The following PCDHA10 variants were observed in gnomAD, a reference collection of about 807,000 sequenced individuals.
The protein encoded by PCDHA10 is protocadherin alpha-10.
Under a neutral mutation model 61.2 loss-of-function variants are expected in PCDHA10, and 45 were observed. The observed-to-expected ratio is 0.74, with a 90% CI of 0.58 to 0.94. The LOEUF (loss-of-function observed/expected upper bound fraction) is 0.94. Ranked by LOEUF, PCDHA10 falls within the 40% of genes least tolerant of loss-of-function variation. The pLI is 0.00. For synonymous variants in PCDHA10, 602 were observed against 548.8 expected (o/e 1.10, Z -1.35); for missense variants, 1,278 against 1,236.2 (o/e 1.03, Z -0.51).
chr5:140,927,460 G>A, intron 1 of PCDHA10: 2 of 1,614,148 alleles, frequency 1.2e-6, no homozygotes, highest in South Asian at 1.1e-5. Context: ...GTTGGAGAAA[G>A]CACTGGATCG....
At chr5:140,865,274 A>G (rs1465243720) in intron 1 of PCDHA10, 5 of 152,220 alleles carry the variant, frequency 3.3e-5, no homozygotes, top group African/African-American at 1.2e-4. Flanking sequence ...AATTATATGT[A>G]AAATTACTTT....
At chr5:140,884,396 C>G in intron 1 of PCDHA10, 1 of 1,614,012 alleles carries the variant, frequency 6.2e-7, no homozygotes, top group Non-Finnish European at 8.5e-7. Flanking sequence ...GGTGTCCAGC[C>G]TGTTGGTGCT....
intron 1 of PCDHA10, among the ~76,000 whole-genome samples, chr5:140,909,996 T>C (rs549464312): frequency 1.3e-5 from 2 of 152,192 alleles, no homozygotes; most frequent in African/African-American, 4.8e-5. Context: ...ACAGCATAAA[T>C]TGTTGTCAGT....
intron 1 of PCDHA10, chr5:140,967,369 G>A (rs147557274): frequency 2.4e-5 from 38 of 1,607,564 alleles, no homozygotes; most frequent in Non-Finnish European, 2.9e-5. Context: ...AGCCCCTGCA[G>A]GAGAACAGTA....
At chr5:140,900,588 C>G (rs1025443524) in intron 1 of PCDHA10, among the ~76,000 whole-genome samples, 3 of 152,150 alleles carry the variant, frequency 2.0e-5, no homozygotes, top group African/African-American at 7.2e-5. Flanking sequence ...TTTTCTTTAC[C>G]CGTTCATCTG....
chr5:140,883,559 G>A (rs2059672435), intron 1 of PCDHA10: 5 of 1,614,074 alleles, frequency 3.1e-6, no homozygotes, highest in Non-Finnish European at 4.2e-6. Context: ...GCGGGACGGG[G>A]GCTCGCCTTC....
intron 1 of PCDHA10, among the ~76,000 whole-genome samples, chr5:140,908,488 A>G (rs2073999089): frequency 6.6e-6 from 1 of 152,206 alleles, no homozygotes; most frequent in Non-Finnish European, 1.5e-5. Flanking sequence ...TAGGCAGTTC[A>G]GGTTGCTTGG....
chr5:140,986,853 A>G (rs1424493333), intron 3 of PCDHA10, among the ~76,000 whole-genome samples: 3 of 152,206 alleles, frequency 2.0e-5, no homozygotes, highest in Admixed American at 6.5e-5. Flanking sequence ...AGCAACACCA[A>G]CAATACCCGG....
intron 1 of PCDHA10, among the ~76,000 whole-genome samples, chr5:140,921,272 C>T (rs2080137544): frequency 6.6e-6 from 1 of 152,074 alleles, no homozygotes; most frequent in African/African-American, 2.4e-5. Context: ...TTTATACTTA[C>T]TTGAAAAAAA....
In PCDHA10 at chr5:140,869,946, A is replaced by G. The variant is rs557838493; in HGVS notation, c.2388+11510A>G. 13 of 1,612,442 alleles carry G rather than the reference A, an allele frequency of 8.1e-6. No individual in the cohort carries two copies. In the African/African-American group the frequency reaches 9.3e-5, roughly 12 times the overall value. ...TCAATGGAGAGGTAACATACTCCTTAATGTCAATTAAGCCCAATGGAAGAC... is the reference window on the plus strand; with the variant it reads ...TCAATGGAGAGGTAACATACTCCTTGATGTCAATTAAGCCCAATGGAAGAC... On this transcript the variant is annotated intron_variant, in intron 1 of 3. Transcript: ENST00000307360.
In PCDHA10 at chr5:140,967,370, G is replaced by A. The variant is rs1554229504; in HGVS notation, c.2389-11579G>A. ...CGAGCTGGACCTTAAGCCCCTGCAGGAGAACAGTAAAGTGCTTGAGCTGGT... is the reference window on the plus strand; with the variant it reads ...CGAGCTGGACCTTAAGCCCCTGCAGAAGAACAGTAAAGTGCTTGAGCTGGT... On this transcript the variant is annotated intron_variant, in intron 1 of 3. Transcript: ENST00000307360. The A allele has an allele frequency of 3.1e-6, 5 of 1,607,662 alleles. No individual in the cohort carries two copies. The South Asian group carries it at 3.3e-5, about 11-fold the overall frequency.
chr5:140,994,017 T>C (rs2153920554), intron 3 of PCDHA10, among the ~76,000 whole-genome samples: 1 of 152,336 alleles, frequency 6.6e-6, no homozygotes, highest in South Asian at 2.1e-4. Flanking sequence ...TTCTAGGTGA[T>C]GCAGATATAA....
Position 141,009,767 on chromosome 5 carries a change from G to T in PCDHA10, c.2677G>T (p.Ala893Ser). ...PDKFIIPGSP[A>S]IISIRQEPTN... is the part of the protein sequence containing the mutation. Reference sequence around the variant, plus strand: ...CAAATTCATTATCCCAGGATCTCCTGCAATCATCTCCATCCGGCAGGAGCC... The same window carrying T: ...CAAATTCATTATCCCAGGATCTCCTTCAATCATCTCCATCCGGCAGGAGCC... The change falls in exon 4 of 4, where the codon GCA becomes TCA. Residue 893 changes from alanine to serine, a missense_variant. Coordinates refer to ENST00000307360, the MANE Select transcript of PCDHA10 (RefSeq NM_018901.4). 1 of 1,614,108 alleles carries T rather than the reference G, an allele frequency of 6.2e-7. No individual in the cohort carries two copies. Among genetic ancestry groups the T allele is most frequent in the South Asian group, 1.1e-5 (1 of 91,072 alleles).
chr5:140,870,083 C>G, intron 1 of PCDHA10: 1 of 1,613,848 alleles, frequency 6.2e-7, no homozygotes, highest in Admixed American at 1.7e-5. Flanking sequence ...AAGGGGACTC[C>G]CCCAATGGCA....
chr5:140,877,844 G>A lies in PCDHA10; in HGVS notation c.2388+19408G>A, dbSNP rs945643108. The A allele has an allele frequency of 5.1e-6, 8 of 1,568,656 alleles. No homozygotes were observed. In the African/African-American group the frequency reaches 8.3e-5, roughly 16 times the overall value. ...TGTTTAAATCCTCCCAGTGAAGTAA[G>A]TTATTAATATTATTTAGATATATTT... On this transcript the variant is annotated intron_variant, in intron 1 of 3. Coordinates refer to ENST00000307360, the MANE Select transcript of PCDHA10 (RefSeq NM_018901.4).
intron 1 of PCDHA10, among the ~76,000 whole-genome samples, chr5:140,944,577 C>G (rs2093670906): frequency 6.6e-6 from 1 of 152,270 alleles, no homozygotes; most frequent in Admixed American, 6.5e-5. Flanking sequence ...CTGTAGAGAT[C>G]ACTTCAGAAT....
chr5:140,969,921 G>A (rs1417032241), intron 1 of PCDHA10, among the ~76,000 whole-genome samples: 2 of 152,198 alleles, frequency 1.3e-5, no homozygotes, highest in African/African-American at 2.4e-5. Flanking sequence ...TAAAGCTGTA[G>A]TATTTAGACA....
chr5:140,967,528 T>C, intron 1 of PCDHA10: 3 of 1,613,146 alleles, frequency 1.9e-6, no homozygotes, highest in Non-Finnish European at 2.5e-6. Context: ...ACGACAACTC[T>C]CCTGCCTTTG....
intron 1 of PCDHA10, among the ~76,000 whole-genome samples, chr5:140,901,437 C>G (rs1554189835): frequency 1.3e-5 from 2 of 152,132 alleles, no homozygotes; most frequent in Non-Finnish European, 2.9e-5. Flanking sequence ...ATATGGATAT[C>G]TAGTTTCCCA....
Sources: gnomAD v4.1 joint callset for allele counts (sites outside exome capture counted in the v4.1 genomes callset) on GRCh38, gnomAD v4.1.1 for gene constraint, MANE v1.5 for transcripts, NCBI Gene and HGNC (gene_info 2026-07-23, HGNC 2026-07-21) for gene names.